Variants in RXFP1 observed in about 807,000 individuals in gnomAD.
RXFP1 encodes relaxin receptor 1.
In RXFP1, 73 loss-of-function variants were observed where a neutral mutation model predicts 89.8. The observed-to-expected ratio is 0.81, with a 90% CI of 0.67 to 0.99. RXFP1 has a LOEUF of 0.99. RXFP1 is among the 50% of genes least tolerant of loss of function. The probability of loss-of-function intolerance (pLI) is 0.00; values close to 1 mark genes in which losing one functional copy is unlikely to be tolerated. For synonymous variants in RXFP1, 277 were observed against 305.5 expected (o/e 0.91, Z 0.97); for missense variants, 793 against 895.5 (o/e 0.89, Z 1.46).
chr4:158,640,284 C>T (rs191396020), intron 14 of RXFP1, among the ~76,000 whole-genome samples: 2 of 152,190 alleles, frequency 1.3e-5, no homozygotes, highest in African/African-American at 4.8e-5. Context: ...TTGATGTTTG[C>T]CTAATGAGCT....
In RXFP1 at chr4:158,607,979, C is replaced by A; in HGVS notation, c.472C>A (p.Gln158Lys). 6.2e-7 allele frequency: 1 copy of A among 1,600,034 alleles called. No homozygotes were observed. The highest frequency in any genetic ancestry group is 8.5e-7 in the Non-Finnish European group (1 of 1,171,726). The part of the protein sequence containing the change: ...NYHDLQKLYL[Q>K]NNKITSISIY... ...TAATAATCATTTTCACAGGTACCTG[C>A]AAAACAATAAGATTACATCCATCTC... Residue 158 changes from glutamine (Q) to lysine (K), a missense_variant, in exon 6 of 18, where the codon CAA becomes AAA. Coordinates refer to ENST00000307765, the MANE Select transcript of RXFP1 (RefSeq NM_021634.4).
intron 10 of RXFP1, 97 bp downstream of exon 10, chr4:158,626,988 C>A: frequency 1.8e-6 from 1 of 544,968 alleles, no homozygotes; most frequent in Non-Finnish European, 3.1e-6. Context: ...CAAAGAACAT[C>A]AAGAGTCTGT....
intron 1 of RXFP1, among the ~76,000 whole-genome samples, chr4:158,570,935 T>C (rs1754930113): frequency 6.6e-6 from 1 of 152,158 alleles, no homozygotes; most frequent in South Asian, 2.1e-4. Context: ...AGCCTCTTCC[T>C]CACCACTTTA....
chr4:158,567,102 T>C (rs951303537), intron 1 of RXFP1, among the ~76,000 whole-genome samples: 34 of 152,178 alleles, frequency 2.2e-4, no homozygotes, highest in African/African-American at 8.2e-4. Flanking sequence ...GCTGCTGTGC[T>C]GGATTTCTCG....
At chr4:158,552,507 T>TA (rs1027488286) in intron 1 of RXFP1, among the ~76,000 whole-genome samples, 5 of 151,846 alleles carry the variant, frequency 3.3e-5, no homozygotes, top group African/African-American at 9.7e-5. Context: ...ACCTAGGCAT[T>TA]AAAAAAAAGA....
chr4:158,545,051 T>G (rs1747900361), intron 1 of RXFP1, among the ~76,000 whole-genome samples: 1 of 151,668 alleles, frequency 6.6e-6, no homozygotes, highest in Non-Finnish European at 1.5e-5. Context: ...TGAACTAGTT[T>G]ACAGTCCCAC....
In RXFP1 at chr4:158,546,015, G is replaced by C. The variant is rs1291035066; in HGVS notation, c.49+23990G>C. Among the ~76,000 whole-genome samples the C allele has an allele frequency of 3.9e-5, 6 of 152,062 alleles. No homozygotes were observed. The South Asian group carries it at 8.3e-4, about 21-fold the overall frequency. Reference sequence around the variant, plus strand: ...GTCATTGGTAGCTTGATGGGGATGGGATTGAATCTATAAATTACCTTGGGC... The same window carrying C: ...GTCATTGGTAGCTTGATGGGGATGGCATTGAATCTATAAATTACCTTGGGC... On this transcript the variant is annotated intron_variant, in intron 1 of 17. Coordinates refer to ENST00000307765, the MANE Select transcript of RXFP1 (RefSeq NM_021634.4).
intron 1 of RXFP1, among the ~76,000 whole-genome samples, chr4:158,529,863 T>A (rs1319572079): frequency 6.6e-6 from 1 of 152,238 alleles, no homozygotes; most frequent in Non-Finnish European, 1.5e-5. Flanking sequence ...TTTCTACTCA[T>A]TTCATTTCCC....
At position 158,530,725 on chromosome 4, in the gene RXFP1, T is replaced by C. The variant is rs79676234; in HGVS notation, c.49+8700T>C. On this transcript the variant is annotated intron_variant, in intron 1 of 17. Transcript: ENST00000307765. Reference sequence around the variant, plus strand: ...CAAATTTAGATTTTTATTTCTGCCCTTCTAATTGCAGTCGTTACCCCTGAT... The same window carrying C: ...CAAATTTAGATTTTTATTTCTGCCCCTCTAATTGCAGTCGTTACCCCTGAT... Among the ~76,000 whole-genome samples, 509 of 152,278 alleles carry C rather than the reference T, an allele frequency of 3.3e-3. 3 individuals carry two copies. The highest frequency in any genetic ancestry group is 0.012 in the African/African-American group (491 of 41,544).
chr4:158,611,670 C>T (rs1404599038), intron 6 of RXFP1, among the ~76,000 whole-genome samples: 2 of 152,184 alleles, frequency 1.3e-5, no homozygotes, highest in Admixed American at 1.3e-4. Flanking sequence ...TTAGTAAAGC[C>T]TTCTCCTGGC....
chr4:158,614,985 A>T (rs766944424), intron 8 of RXFP1, among the ~76,000 whole-genome samples: 2 of 152,172 alleles, frequency 1.3e-5, no homozygotes, highest in African/African-American at 4.8e-5. Flanking sequence ...ACCATGCTGT[A>T]AACAGATGTG....
chr4:158,647,283 T>G, intron 16 of RXFP1, 82 bp downstream of exon 16: 1 of 1,111,794 alleles, frequency 9.0e-7, no homozygotes, highest in Non-Finnish European at 1.3e-6. Flanking sequence ...TGAGGGTGAA[T>G]TCTATCAGAA....
intron 1 of RXFP1, among the ~76,000 whole-genome samples, chr4:158,527,125 A>T (rs1329605666): frequency 6.6e-6 from 1 of 152,202 alleles, no homozygotes; most frequent in Non-Finnish European, 1.5e-5. Context: ...ACATTCTTTA[A>T]TAGTAAGATT....
chr4:158,644,838 A>G, intron 14 of RXFP1, 71 bp from the exon 15 acceptor site: 1 of 1,015,848 alleles, frequency 9.8e-7, no homozygotes, highest in Non-Finnish European at 1.5e-6. Context: ...AAAATGTAGG[A>G]AATAAATATG....
At chr4:158,592,127 A>T (rs1759597922) in intron 2 of RXFP1, among the ~76,000 whole-genome samples, 1 of 152,182 alleles carries the variant, frequency 6.6e-6, no homozygotes, top group African/African-American at 2.4e-5. Context: ...CTATTTTTTT[A>T]AAAGTGACAT....
chr4:158,582,141 G>T (rs186739972), intron 2 of RXFP1, among the ~76,000 whole-genome samples: 61 of 152,272 alleles, frequency 4.0e-4, no homozygotes, highest in Non-Finnish European at 1.5e-4. Context: ...CCACATTGGG[G>T]ATTACATTTC....
intron 1 of RXFP1, among the ~76,000 whole-genome samples, chr4:158,526,605 G>A (rs1030201332): frequency 6.6e-5 from 10 of 152,138 alleles, no homozygotes; most frequent in African/African-American, 1.2e-4. Flanking sequence ...ATATCATGTT[G>A]TTCATGTTAG....
At chr4:158,598,795 T>A (rs1035331492) in intron 3 of RXFP1, among the ~76,000 whole-genome samples, 3 of 151,872 alleles carry the variant, frequency 2.0e-5, no homozygotes, top group South Asian at 2.1e-4. Context: ...AAAGATTTTT[T>A]AAAAAATTAT....
intron 9 of RXFP1, among the ~76,000 whole-genome samples, chr4:158,624,906 C>T (rs1165891202): frequency 6.6e-6 from 1 of 152,026 alleles, no homozygotes; most frequent in Non-Finnish European, 1.5e-5. Context: ...ATTAAACTAC[C>T]AATTTAATCA....
Sources: allele counts gnomAD v4.1 joint callset (sites outside exome capture counted in the v4.1 genomes callset), GRCh38; gene constraint gnomAD v4.1.1; transcripts MANE v1.5; gene names NCBI Gene and HGNC (gene_info 2026-07-23, HGNC 2026-07-21).